Variants in ABCB11 observed in about 807,000 individuals in gnomAD.
ABCB11 encodes the protein ATP binding cassette subfamily B member 11.
A neutral mutation model predicts 148.0 loss-of-function variants in ABCB11; 95 were observed. That is an observed-to-expected ratio of 0.64 (90% CI 0.54 to 0.76). The LOEUF (loss-of-function observed/expected upper bound fraction) is 0.76, where lower values mean the gene tolerates loss of function less well. ABCB11 is among the 30% of genes least tolerant of loss of function. The pLI is 0.00. For missense variants in ABCB11, 1,523 were observed against 1,617.8 expected, an observed-to-expected ratio of 0.94 and a Z score of 1.01; for synonymous variants, 591 against 555.4, an observed-to-expected ratio of 1.06 and a Z score of -0.90.
At chr2:168,998,648 G>A (rs1694788185) in intron 5 of ABCB11, among the ~76,000 whole-genome samples, 1 of 152,042 alleles carries the variant, frequency 6.6e-6, no homozygotes, top group Admixed American at 6.6e-5. Flanking sequence ...AGCACTGTAA[G>A]CGGAAGTGAT....
chr2:168,961,580 T>G (rs1398023651), intron 18 of ABCB11, among the ~76,000 whole-genome samples: 3 of 151,736 alleles, frequency 2.0e-5, no homozygotes, highest in African/African-American at 7.2e-5. Context: ...CCAAAAGAGA[T>G]TGCCTAAATA....
intron 1 of ABCB11, among the ~76,000 whole-genome samples, chr2:169,025,476 A>G (rs937862978): frequency 1.3e-5 from 2 of 152,142 alleles, no homozygotes; most frequent in African/African-American, 4.8e-5. Context: ...TTGCCCTTCA[A>G]GCTTAAAGAC....
At chr2:168,943,571 A>C (rs1408624627) in intron 21 of ABCB11, among the ~76,000 whole-genome samples, 2 of 152,072 alleles carry the variant, frequency 1.3e-5, no homozygotes, top group East Asian at 3.9e-4. Context: ...AGGGGAAACA[A>C]GAAAGACTGC....
chr2:168,961,748 T>C (rs1693086456), intron 18 of ABCB11, among the ~76,000 whole-genome samples: 1 of 151,704 alleles, frequency 6.6e-6, no homozygotes, highest in African/African-American at 2.4e-5. Flanking sequence ...CAACTAACCA[T>C]GAGACCTTGG....
intron 1 of ABCB11, among the ~76,000 whole-genome samples, chr2:169,021,842 T>G (rs73024745): frequency 0.023 from 3,464 of 152,152 alleles, 65 homozygotes; most frequent in African/African-American, 0.041. Context: ...ATTTGGCATT[T>G]TTATAAAACT....
intron 21 of ABCB11, among the ~76,000 whole-genome samples, chr2:168,937,632 T>C (rs1158287539): frequency 2.0e-5 from 3 of 152,254 alleles, no homozygotes; most frequent in East Asian, 1.9e-4. Context: ...ATTTGGCTTG[T>C]TTGAAGATAT....
Position 168,923,429 on chromosome 2 carries a change from C to G in ABCB11, c.*193G>C, listed in dbSNP as rs886055061. The G allele has an allele frequency of 9.6e-6, 6 of 627,694 alleles. No individual in the cohort carries two copies. The East Asian group carries it at 1.4e-4, about 14-fold the overall frequency. 38.9% of individuals were successfully genotyped at this position (627,694 alleles called of 1,614,324 possible). ...TCATTTTCTGTATACACATCTAAAG[C>G]AGAATTATTATGGAAGGCCATTAGA... is the stretch of plus-strand genomic sequence containing the variant. On this transcript the variant is annotated 3_prime_UTR_variant, in exon 28 of 28. Transcript: ENST00000650372.
chr2:168,943,813 A>G lies in ABCB11; in HGVS notation c.2610+792T>C, dbSNP rs189347091. On this transcript the variant is annotated intron_variant, in intron 21 of 27. Transcript: ENST00000650372. ...GTGAGTTTTTTCTTCTAAGAGCCTC[A>G]CAGACCATAGTTCAGTTTTAAAATT... Among the ~76,000 whole-genome samples the G allele has an allele frequency of 7.0e-3, 1,060 of 152,142 alleles. 10 individuals carry two copies. Among genetic ancestry groups the G allele is most frequent in the South Asian group, 0.024 (115 of 4,824 alleles).
intron 18 of ABCB11, among the ~76,000 whole-genome samples, chr2:168,960,257 A>G (rs1387859943): frequency 1.3e-5 from 2 of 151,728 alleles, no homozygotes; most frequent in Non-Finnish European, 3.0e-5. Context: ...GAGAACTCCA[A>G]GGCTCCTCTC....
chr2:169,013,040 A>G (rs1157032068), intron 5 of ABCB11, among the ~76,000 whole-genome samples: 1 of 152,144 alleles, frequency 6.6e-6, no homozygotes, highest in African/African-American at 2.4e-5. Context: ...CATTTTGGCA[A>G]TGTATTTGGT....
In ABCB11 at chr2:168,986,201, C is replaced by G. The variant is rs781095864; in HGVS notation, c.992G>C (p.Cys331Ser). ...CAGTGCATAACACAAAAAGATGAGA[C>G]ACCACACGAATCCAGTAAAGAATCC... ...VMGFFTGFVWCLIFLCYALAF... is the reference protein window; with the variant it reads ...VMGFFTGFVWSLIFLCYALAF... Residue 331 changes from cysteine to serine, a missense_variant, in exon 10 of 28, where the codon TGT becomes TCT. Cys to Ser is a moderately radical substitution (Grantham distance 112). Coordinates refer to ENST00000650372, the MANE Select transcript of ABCB11 (RefSeq NM_003742.4). 6.2e-7 allele frequency: 1 copy of G among 1,613,340 alleles called. No homozygotes were observed. Among genetic ancestry groups the G allele is most frequent in the Non-Finnish European group, 8.5e-7 (1 of 1,179,572 alleles).
chr2:168,935,495 G>A lies in ABCB11; in HGVS notation c.2815-70C>T, dbSNP rs1288251866. ...CTCCTTTCGTGACATTTCAGTGGCT[G>A]CCTGGATTAGATGGTGCAAATGGCA... On this transcript the variant is annotated intron_variant, in intron 22 of 27. Transcript: ENST00000650372. The A allele has an allele frequency of 4.6e-6, 7 of 1,536,472 alleles. No homozygotes were observed. The Admixed American group carries it at 1.3e-4, about 29-fold the overall frequency.
At chr2:169,030,279 A>G (rs2106082851) in intron 1 of ABCB11, among the ~76,000 whole-genome samples, 1 of 152,260 alleles carries the variant, frequency 6.6e-6, no homozygotes, top group African/African-American at 2.4e-5. Context: ...GAGTGTAAAC[A>G]GAAGCTCCTA....
intron 10 of ABCB11, among the ~76,000 whole-genome samples, chr2:168,981,476 A>G (rs1251407549): frequency 1.3e-5 from 2 of 152,166 alleles, no homozygotes; most frequent in East Asian, 3.8e-4. Context: ...TCATAGGATT[A>G]TTACAGGATC....
chr2:168,972,137 G>A (rs1178242675), intron 13 of ABCB11, 87 bp from the exon 14 acceptor site: 2 of 1,206,018 alleles, frequency 1.7e-6, no homozygotes, highest in Admixed American at 2.1e-5. Context: ...CCAATGGGCA[G>A]AAAAAATAGA....
chr2:169,029,690 C>A (rs115290018), intron 1 of ABCB11, among the ~76,000 whole-genome samples: 1 of 147,612 alleles, frequency 6.8e-6, no homozygotes, highest in South Asian at 2.1e-4. Flanking sequence ...ACTGCCACAG[C>A]GATTCTTTGT....
downstream of ABCB11, among the ~76,000 whole-genome samples, chr2:168,915,911 GA>G (rs1232595422): frequency 6.6e-6 from 1 of 152,148 alleles, no homozygotes; most frequent in Non-Finnish European, 1.5e-5. Context: ...TGGGTGTCAA[GA>G]GAGACAACAC....
intron 1 of ABCB11, among the ~76,000 whole-genome samples, chr2:169,029,725 T>C (rs1695805091): frequency 3.4e-5 from 1 of 29,412 alleles, no homozygotes; most frequent in Non-Finnish European, 6.7e-5. Flanking sequence ...TTCTTTCCTC[T>C]TTTTTTTTTT....
chr2:168,940,762 C>G (rs563460406), intron 21 of ABCB11, among the ~76,000 whole-genome samples: 2 of 151,948 alleles, frequency 1.3e-5, no homozygotes, highest in African/African-American at 2.4e-5. Flanking sequence ...TTCAAACTTA[C>G]GAAAAATAGG....
Sources: gnomAD v4.1 joint callset for allele counts (sites outside exome capture counted in the v4.1 genomes callset) on GRCh38, gnomAD v4.1.1 for gene constraint, MANE v1.5 for transcripts, NCBI Gene and HGNC (gene_info 2026-07-23, HGNC 2026-07-21) for gene names.